CTNNA3: variants seen among roughly 807,000 people sequenced by gnomAD.
CTNNA3 encodes the protein catenin alpha 3, also known as catenin alpha-3.
CTNNA3 carries 76 observed loss-of-function variants against 95.7 expected under a neutral mutation model. That is an observed-to-expected ratio of 0.79 (90% CI 0.66 to 0.96). The LOEUF (loss-of-function observed/expected upper bound fraction) is 0.96, where lower values mean the gene tolerates loss of function less well. Ranked by LOEUF, CTNNA3 falls within the 40% of genes least tolerant of loss-of-function variation. CTNNA3 has a pLI of 0.00. For synonymous variants in CTNNA3, 431 were observed against 374.4 expected (o/e 1.15, Z -1.74); for missense variants, 1,191 against 1,089.8 (o/e 1.09, Z -1.31).
chr10:67,003,144 C>T (rs1244760066), intron 7 of CTNNA3, among the ~76,000 whole-genome samples: 1 of 152,154 alleles, frequency 6.6e-6, no homozygotes, highest in Non-Finnish European at 1.5e-5. Context: ...CATCCCGCCA[C>T]AGTGACTTCA....
At chr10:67,112,888 A>T (rs938625075) in intron 7 of CTNNA3, among the ~76,000 whole-genome samples, 1 of 152,134 alleles carries the variant, frequency 6.6e-6, no homozygotes, top group Non-Finnish European at 1.5e-5. Context: ...TTTAAAAAAA[A>T]ACATGTGAGT....
intron 10 of CTNNA3, among the ~76,000 whole-genome samples, chr10:66,529,952 G>A (rs1286468662): frequency 6.6e-6 from 1 of 152,168 alleles, no homozygotes; most frequent in Non-Finnish European, 1.5e-5. Flanking sequence ...GAGGTGGGGT[G>A]TGGAGACAGG....
chr10:67,374,232 C>T lies in CTNNA3; in HGVS notation c.579+147610G>A, dbSNP rs551933880. 1.2e-3 allele frequency among the ~76,000 whole-genome samples: 181 copies of T among 152,200 alleles called. 1 individual carries two copies. The highest frequency in any genetic ancestry group is 4.2e-3 in the African/African-American group (175 of 41,524). On this transcript the variant is annotated intron_variant, in intron 5 of 17. Coordinates refer to ENST00000433211, the MANE Select transcript of CTNNA3 (RefSeq NM_013266.4). ...TGCTTTTATGGTACAAAAGCAGCCA[C>T]AGACAATAAGTAAACAAGTGGGTGT...
intron 1 of CTNNA3, among the ~76,000 whole-genome samples, chr10:67,653,173 G>T (rs1839926039): frequency 2.0e-5 from 3 of 152,158 alleles, no homozygotes; most frequent in African/African-American, 7.2e-5. Context: ...GTGAGAACAG[G>T]AGCAAGAGAG....
At chr10:65,975,203 T>C (rs557141753) in intron 16 of CTNNA3, among the ~76,000 whole-genome samples, 6 of 152,138 alleles carry the variant, frequency 3.9e-5, no homozygotes, top group African/African-American at 1.2e-4. Context: ...AAGATAGGCA[T>C]GGACATATGC....
chr10:66,234,620 T>A (rs762289062), intron 13 of CTNNA3, among the ~76,000 whole-genome samples: 5 of 152,178 alleles, frequency 3.3e-5, no homozygotes, highest in African/African-American at 4.8e-5. Context: ...AAGTAGGAAA[T>A]CCTTAAATGG....
At chr10:67,586,557 A>G (rs951738901) in intron 3 of CTNNA3, among the ~76,000 whole-genome samples, 1 of 152,084 alleles carries the variant, frequency 6.6e-6, no homozygotes, top group Non-Finnish European at 1.5e-5. Context: ...ATCATTATAT[A>G]ATGATCTTGT....
intron 5 of CTNNA3, among the ~76,000 whole-genome samples, chr10:67,252,397 A>G (rs1866147485): frequency 6.6e-6 from 1 of 152,158 alleles, no homozygotes; most frequent in Non-Finnish European, 1.5e-5. Context: ...AACAAACCCT[A>G]TATGTACTGT....
chr10:66,179,193 A>G (rs2085900794), intron 13 of CTNNA3, among the ~76,000 whole-genome samples: 2 of 152,072 alleles, frequency 1.3e-5, no homozygotes, highest in South Asian at 4.1e-4. Flanking sequence ...AGACTACAGT[A>G]TAGCCATATC....
intron 11 of CTNNA3, among the ~76,000 whole-genome samples, chr10:66,396,814 A>C (rs1267082629): frequency 6.6e-6 from 1 of 151,954 alleles, no homozygotes; most frequent in Non-Finnish European, 1.5e-5. Flanking sequence ...TTCATGTCAA[A>C]ATAAAATTTA....
chr10:66,386,565 T>C (rs1273588374), intron 11 of CTNNA3, among the ~76,000 whole-genome samples: 1 of 152,182 alleles, frequency 6.6e-6, no homozygotes, highest in Non-Finnish European at 1.5e-5. Context: ...AAGCTACCAA[T>C]GACTTTCTTC....
intron 7 of CTNNA3, among the ~76,000 whole-genome samples, chr10:66,945,293 T>A (rs1341099559): frequency 1.3e-5 from 2 of 152,232 alleles, no homozygotes; most frequent in Non-Finnish European, 2.9e-5. Flanking sequence ...TTTTACATCA[T>A]CACTTCCACT....
chr10:67,683,871 C>T lies in CTNNA3; in HGVS notation c.-6+12129G>A, dbSNP rs1298830726. ...TTACAGCTCTTAAAGGCGGCATATC[C>T]GGAGTGGTTTGTTCCTCCCGATGGG... On this transcript the variant is annotated intron_variant, in intron 1 of 17. Transcript: ENST00000433211. Among the ~76,000 whole-genome samples, 6 of 151,928 alleles carry T rather than the reference C, an allele frequency of 3.9e-5. No individual in the cohort carries two copies. In the South Asian group the frequency reaches 8.3e-4, roughly 21 times the overall value.
intron 11 of CTNNA3, among the ~76,000 whole-genome samples, chr10:66,414,259 C>T (rs2093129278): frequency 6.6e-6 from 1 of 152,056 alleles, no homozygotes; most frequent in Admixed American, 6.6e-5. Context: ...CTTGCTTTCT[C>T]CACTAAAAAG....
intron 7 of CTNNA3, chr10:67,177,039 C>T: frequency 2.2e-6 from 1 of 457,586 alleles, no homozygotes; most frequent in South Asian, 1.6e-5. Flanking sequence ...TAATTTGTTA[C>T]AGCAGCAATA....
intron 12 of CTNNA3, among the ~76,000 whole-genome samples, chr10:66,365,481 C>T (rs545922598): frequency 6.6e-6 from 1 of 152,006 alleles, no homozygotes; most frequent in Non-Finnish European, 1.5e-5. Flanking sequence ...CACGCGTATA[C>T]CTATGTAACA....
At chr10:65,977,625 A>G (rs965435173) in intron 16 of CTNNA3, among the ~76,000 whole-genome samples, 2 of 151,944 alleles carry the variant, frequency 1.3e-5, no homozygotes, top group African/African-American at 4.8e-5. Flanking sequence ...TACTCAAAAT[A>G]TGAAATATTA....
rs570374039 is a variant in CTNNA3, at chr10:66,300,816, A to G, written c.1733-20195T>C. ...ATTCAAACTAAGCAGAAGAAAATAA[A>G]TTATACAAATTAGAGCAAAAATCAA... On this transcript the variant is annotated intron_variant, in intron 12 of 17. Transcript: ENST00000433211. Among the ~76,000 whole-genome samples the G allele has an allele frequency of 8.5e-5, 13 of 152,228 alleles. No individual in the cohort carries two copies. The South Asian group carries it at 2.7e-3, about 32-fold the overall frequency.
chr10:66,051,659 C>A lies in CTNNA3; in HGVS notation c.2159+17649G>T, dbSNP rs1368177453. Among the ~76,000 whole-genome samples, 5 of 152,142 alleles carry A rather than the reference C, an allele frequency of 3.3e-5. No individual in the cohort carries two copies. The East Asian group carries it at 9.6e-4, about 29-fold the overall frequency. On this transcript the variant is annotated intron_variant, in intron 15 of 17. Transcript: ENST00000433211. ...GGATAAATTGTAATAAACAAAAATA[C>A]TTTTAATGTTCAAAGGACAAAATAT...
Sources: allele counts gnomAD v4.1 joint callset (sites outside exome capture counted in the v4.1 genomes callset), GRCh38; gene constraint gnomAD v4.1.1; transcripts MANE v1.5; gene names NCBI Gene and HGNC (gene_info 2026-07-23, HGNC 2026-07-21).